NOS1: variants seen among roughly 807,000 people sequenced by gnomAD.
NOS1 encodes the protein nitric oxide synthase 1.
Under a neutral mutation model 164.5 loss-of-function variants are expected in NOS1, and 51 were observed. That is an observed-to-expected ratio of 0.31 (90% CI 0.25 to 0.39). The LOEUF is 0.39. NOS1 is among the 10% of genes least tolerant of loss of function. The pLI, the probability that NOS1 is intolerant of heterozygous loss-of-function variation, is 1.00. For missense variants in NOS1, 1,362 were observed against 1,885.6 expected (o/e 0.72, Z 5.14); for synonymous variants, 719 against 745.8 (o/e 0.96, Z 0.59).
In NOS1 at chr12:117,314,652, G is replaced by A. The variant is rs2136058250; in HGVS notation, c.726-3060C>T. On this transcript the variant is annotated intron_variant, in intron 2 of 28. Transcript: ENST00000317775. The stretch of plus-strand genomic sequence containing the variant: ...AACAGAGTCTTGCTTTATCACCCAG[G>A]CGGGAGTGCAGTGGGGTGATCTTGG... Among the ~76,000 whole-genome samples, 3 of 152,266 alleles carry A rather than the reference G, an allele frequency of 2.0e-5. No homozygotes were observed. The South Asian group carries it at 6.2e-4, about 32-fold the overall frequency.
rs1270133403 is a variant in NOS1, at chr12:117,243,289, G to A, written c.2962+8C>T. The A allele has an allele frequency of 1.2e-6, 2 of 1,613,778 alleles. No individual in the cohort carries two copies. The highest frequency in any genetic ancestry group is 2.2e-5 in the East Asian group (1 of 44,884). On this transcript the variant is annotated splice_region_variant and intron_variant, in intron 19 of 28. Coordinates refer to ENST00000317775, the MANE Select transcript of NOS1 (RefSeq NM_000620.5). The surrounding 1 kb of genome is among the most constrained non-coding windows in gnomAD (Gnocchi z 4.3). ...CGAATACCTCCCTGGAAGGGTGGTG[G>A]GAGGTACCTTGTGTGAGTTCTGGAG...
chr12:117,277,900 A>G, intron 9 of NOS1, 59 bp downstream of exon 9: 1 of 1,526,516 alleles, frequency 6.6e-7, no homozygotes, highest in Admixed American at 1.9e-5. Context: ...GGGGCTGGGC[A>G]AAGAGGGGCA....
At chr12:117,274,106 C>T (rs1163440147) in intron 9 of NOS1, among the ~76,000 whole-genome samples, 1 of 152,060 alleles carries the variant, frequency 6.6e-6, no homozygotes, top group Non-Finnish European at 1.5e-5. Flanking sequence ...AAGGAACTCA[C>T]ACATTTCAAA....
At chr12:117,311,614 G>T in intron 2 of NOS1, 22 bp from the exon 3 acceptor site, 1 of 1,603,328 alleles carries the variant, frequency 6.2e-7, no homozygotes, top group Non-Finnish European at 8.5e-7. Flanking sequence ...GGTGGGGCAG[G>T]TGAGGAAGGG....
At chr12:117,300,459 C>T (rs1254552920) in intron 3 of NOS1, among the ~76,000 whole-genome samples, 3 of 152,236 alleles carry the variant, frequency 2.0e-5, no homozygotes, top group African/African-American at 7.2e-5. Flanking sequence ...CACCCTGGCT[C>T]TGACCACCCA....
chr12:117,272,564 AG>A lies in NOS1; in HGVS notation c.1665-6del, dbSNP rs772879363. Reference sequence around the variant, plus strand: ...AGGTCCTTGAACCACTCAAACCTGCAGGGAGCAACAGGGCCCAGCTCACCCG... The same window carrying A: ...AGGTCCTTGAACCACTCAAACCTGCAGGAGCAACAGGGCCCAGCTCACCCG... On this transcript the variant is annotated splice_polypyrimidine_tract_variant and splice_region_variant and intron_variant, in intron 9 of 28. Coordinates refer to ENST00000317775, the MANE Select transcript of NOS1 (RefSeq NM_000620.5). This position sits in a 1 kb window ranked among gnomAD's most constrained non-coding sequence, Gnocchi z 4.3. 1 of 1,611,404 alleles carries A rather than the reference AG, an allele frequency of 6.2e-7. No individual in the cohort carries two copies. The highest frequency in any genetic ancestry group is 1.3e-5 in the African/African-American group (1 of 74,808).
At chr12:117,285,647 G>C (rs1457380415) in intron 6 of NOS1, among the ~76,000 whole-genome samples, 3 of 152,068 alleles carry the variant, frequency 2.0e-5, no homozygotes, top group African/African-American at 7.2e-5. Flanking sequence ...TAGGTTACTA[G>C]GGATTAGGGA....
intron 17 of NOS1, among the ~76,000 whole-genome samples, chr12:117,250,839 TA>T (rs1871043197): frequency 6.6e-6 from 1 of 152,174 alleles, no homozygotes; most frequent in South Asian, 2.1e-4. Context: ...GCCTTCTGGT[TA>T]AGGTGTTGTT....
At chr12:117,307,010 T>C (rs1022223435) in intron 3 of NOS1, among the ~76,000 whole-genome samples, 1 of 152,268 alleles carries the variant, frequency 6.6e-6, no homozygotes, top group African/African-American at 2.4e-5. Context: ...GTTCTCAATG[T>C]TGAGCTCCAC....
rs1314524492 is a variant in NOS1, at chr12:117,306,623, CCTT to C, written c.852+4840_852+4842del. Reference sequence around the variant, plus strand: ...AGCAATGTTATCCGCCACAACCACTCCTTTTTTTTTTTTTCAGATGGAGTCTCG... The same window carrying C: ...AGCAATGTTATCCGCCACAACCACTCTTTTTTTTTTTCAGATGGAGTCTCG... On this transcript the variant is annotated intron_variant, in intron 3 of 28. Transcript: ENST00000317775. Among the ~76,000 whole-genome samples, 515 of 148,224 alleles carry C rather than the reference CCTT, an allele frequency of 3.5e-3. 2 individuals carry two copies. Among genetic ancestry groups the C allele is most frequent in the African/African-American group, 0.012 (488 of 40,694 alleles).
chr12:117,326,414 AAC>A (rs1220316377), intron 2 of NOS1, among the ~76,000 whole-genome samples: 1 of 151,214 alleles, frequency 6.6e-6, no homozygotes, highest in African/African-American at 2.4e-5. Flanking sequence ...AAAAAACAAA[AAC>A]AAAAACAAAA....
intron 7 of NOS1, among the ~76,000 whole-genome samples, chr12:117,281,705 G>C (rs968450515): frequency 1.3e-5 from 2 of 149,658 alleles, no homozygotes; most frequent in African/African-American, 2.5e-5. Flanking sequence ...GTGGTGGGGG[G>C]TGCCTGTAGT....
At chr12:117,307,541 C>CT (rs568055138) in intron 3 of NOS1, among the ~76,000 whole-genome samples, 312 of 152,048 alleles carry the variant, frequency 2.1e-3, no homozygotes, top group Non-Finnish European at 3.9e-3. Context: ...TTTATACTCT[C>CT]TTTTTTGTAG....
chr12:117,215,730 G>A (rs563143427), intron 28 of NOS1, among the ~76,000 whole-genome samples: 1 of 152,084 alleles, frequency 6.6e-6, no homozygotes, highest in African/African-American at 2.4e-5. Context: ...ACTGCACCCG[G>A]CCCGTCTCTT....
intron 26 of NOS1, among the ~76,000 whole-genome samples, chr12:117,221,711 G>A (rs1325274553): frequency 1.3e-5 from 2 of 151,270 alleles, no homozygotes; most frequent in Non-Finnish European, 2.9e-5. Context: ...ACAGCTCACT[G>A]AAGCCTTGAC....
chr12:117,268,736 G>C (rs957710539), intron 10 of NOS1, among the ~76,000 whole-genome samples: 28 of 151,208 alleles, frequency 1.9e-4, no homozygotes, highest in Non-Finnish European at 3.7e-4. Context: ...ACTACAGGCG[G>C]CCGCCACCAC....
At chr12:117,346,558 C>A (rs900625) in intron 1 of NOS1, among the ~76,000 whole-genome samples, 2 of 152,134 alleles carry the variant, frequency 1.3e-5, no homozygotes, top group Non-Finnish European at 2.9e-5. Flanking sequence ...AAACCACCAG[C>A]GATGAACATG....
At chr12:117,295,289 G>A (rs1873333226) in intron 3 of NOS1, among the ~76,000 whole-genome samples, 1 of 152,048 alleles carries the variant, frequency 6.6e-6, no homozygotes, top group Non-Finnish European at 1.5e-5. Flanking sequence ...TCCATTTTTG[G>A]GTTATTGAAT....
Position 117,210,846 on chromosome 12 carries a change from A to C in NOS1, c.*4463T>G, listed in dbSNP as rs1956515877. The C allele has an allele frequency of 2.0e-6, 2 of 985,002 alleles. No homozygotes were observed. The highest frequency in any genetic ancestry group is 2.4e-6 in the Non-Finnish European group (2 of 829,876). The allele number at this position is 985,002 out of a possible 1,614,324, so 61.0% of individuals were successfully genotyped here. A position where few individuals can be genotyped will look rare whatever the true frequency, so the allele number is the denominator to read the frequency against. On this transcript the variant is annotated 3_prime_UTR_variant, in exon 29 of 29. Coordinates refer to ENST00000317775, the MANE Select transcript of NOS1 (RefSeq NM_000620.5). ...GACTTGGGAAGGATTCACCCTGTTG[A>C]CTCCAGAGAAGCTGACTATCACATC...
Sources: allele counts gnomAD v4.1 joint callset (sites outside exome capture counted in the v4.1 genomes callset), GRCh38; gene constraint gnomAD v4.1.1; non-coding constraint Gnocchi (gnomAD v3.1); transcripts MANE v1.5; gene names NCBI Gene and HGNC (gene_info 2026-07-23, HGNC 2026-07-21).